Variants in ZNF804B observed in about 807,000 individuals in gnomAD.
The protein encoded by ZNF804B is zinc finger 804B.
A neutral mutation model predicts 101.4 loss-of-function variants in ZNF804B; 80 were observed. The observed-to-expected ratio is 0.79, with a 90% CI of 0.66 to 0.95. ZNF804B has a LOEUF of 0.95. Ranked by LOEUF, ZNF804B falls within the 40% of genes least tolerant of loss-of-function variation. The pLI, the probability that ZNF804B is intolerant of heterozygous loss-of-function variation, is 0.00. For synonymous variants in ZNF804B, 622 were observed against 558.8 expected (o/e 1.11, Z -1.59); for missense variants, 1,673 against 1,561.9 (o/e 1.07, Z -1.20).
chr7:88,868,949 G>A (rs1213363412), intron 1 of ZNF804B, among the ~76,000 whole-genome samples: 1 of 152,166 alleles, frequency 6.6e-6, no homozygotes, highest in Non-Finnish European at 1.5e-5. Context: ...TTTTAGTGGA[G>A]TGAGAAGAAT....
intron 1 of ZNF804B, among the ~76,000 whole-genome samples, chr7:89,168,582 A>G (rs1196133648): frequency 1.3e-5 from 2 of 152,056 alleles, no homozygotes; most frequent in African/African-American, 4.8e-5. Flanking sequence ...GTTAGTAAAA[A>G]GTAACCCCTT....
At chr7:89,168,130 C>T (rs1399203251) in intron 1 of ZNF804B, among the ~76,000 whole-genome samples, 1 of 151,998 alleles carries the variant, frequency 6.6e-6, no homozygotes, top group African/African-American at 2.4e-5. Flanking sequence ...TATCCCAGTA[C>T]TCTTTCTCAG....
chr7:88,808,896 A>C lies in ZNF804B; in HGVS notation c.108+48812A>C, dbSNP rs536641213. Among the ~76,000 whole-genome samples, 11 of 152,294 alleles carry C rather than the reference A, an allele frequency of 7.2e-5. No homozygotes were observed. The South Asian group carries it at 2.3e-3, about 32-fold the overall frequency. On this transcript the variant is annotated intron_variant, in intron 1 of 3. Coordinates refer to ENST00000333190, the MANE Select transcript of ZNF804B (RefSeq NM_181646.5). The stretch of plus-strand genomic sequence containing the variant: ...ATGCATAGGGCTCAAGGTGACCCTT[A>C]GTCACACTGACAAAATAGTCAGCAA...
chr7:89,299,498 C>T (rs1025381563), intron 2 of ZNF804B, among the ~76,000 whole-genome samples: 1 of 151,932 alleles, frequency 6.6e-6, no homozygotes, highest in South Asian at 2.1e-4. Flanking sequence ...CAGTTTTATT[C>T]ATATATGCCA....
chr7:88,809,323 CTATCTATCTATCTATCTATCTAT>C (rs1790742137), intron 1 of ZNF804B, among the ~76,000 whole-genome samples: 1 of 115,804 alleles, frequency 8.6e-6, no homozygotes, highest in South Asian at 2.8e-4. Flanking sequence ...ATCTATCTAT[CTATCTATCTATCTATCTATCTAT>C]CTATCTATCT....
intron 1 of ZNF804B, among the ~76,000 whole-genome samples, chr7:88,963,433 AC>A (rs1274332328): frequency 6.6e-6 from 1 of 151,334 alleles, no homozygotes; most frequent in Non-Finnish European, 1.5e-5. Context: ...AGTACTTTCA[AC>A]AGATGGTGCT....
At chr7:89,139,463 T>C (rs1790685124) in intron 1 of ZNF804B, among the ~76,000 whole-genome samples, 1 of 152,104 alleles carries the variant, frequency 6.6e-6, no homozygotes, top group Admixed American at 6.6e-5. Context: ...TGATAGCATT[T>C]CATCCACAGC....
intron 1 of ZNF804B, among the ~76,000 whole-genome samples, chr7:89,174,640 A>T (rs983970526): frequency 6.6e-6 from 1 of 152,000 alleles, no homozygotes; most frequent in Non-Finnish European, 1.5e-5. Flanking sequence ...ATCTTATGGT[A>T]GTTCTATTTT....
At position 88,970,324 on chromosome 7, in the gene ZNF804B, C is replaced by T. The variant is rs1045323016; in HGVS notation, c.108+210240C>T. Among the ~76,000 whole-genome samples the T allele has an allele frequency of 2.1e-5, 3 of 146,170 alleles. No homozygotes were observed. The East Asian group carries it at 6.0e-4, about 29-fold the overall frequency. On this transcript the variant is annotated intron_variant, in intron 1 of 3. Coordinates refer to ENST00000333190, the MANE Select transcript of ZNF804B (RefSeq NM_181646.5). ...CACCTAGGTATTAAAGCCCCACATGCATTAGCTATTTATTCTGATGCCCCC... is the reference window on the plus strand; with the variant it reads ...CACCTAGGTATTAAAGCCCCACATGTATTAGCTATTTATTCTGATGCCCCC...
At chr7:89,264,483 T>C (rs1029764636) in intron 2 of ZNF804B, among the ~76,000 whole-genome samples, 1 of 152,162 alleles carries the variant, frequency 6.6e-6, no homozygotes, top group Admixed American at 6.5e-5. Context: ...CTTATATCAA[T>C]TGCCCTCACT....
intron 1 of ZNF804B, among the ~76,000 whole-genome samples, chr7:88,812,669 T>G (rs569753544): frequency 6.6e-6 from 1 of 152,202 alleles, no homozygotes; most frequent in Admixed American, 6.5e-5. Context: ...TGTATATATA[T>G]GTACATGTGT....
At chr7:88,780,272 C>CA (rs1389184189) in intron 1 of ZNF804B, among the ~76,000 whole-genome samples, 1 of 149,838 alleles carries the variant, frequency 6.7e-6, no homozygotes, top group Non-Finnish European at 1.5e-5. Context: ...GGAGGTTCCT[C>CA]AAAAAACTAA....
At chr7:88,762,148 G>A (rs1319350971) in intron 1 of ZNF804B, among the ~76,000 whole-genome samples, 1 of 152,138 alleles carries the variant, frequency 6.6e-6, no homozygotes, top group East Asian at 1.9e-4. Flanking sequence ...TTACACATTT[G>A]GATGTACTTA....
chr7:89,224,714 G>GTGTA (rs1789056124), intron 2 of ZNF804B, among the ~76,000 whole-genome samples: 1 of 10,538 alleles, frequency 9.5e-5, no homozygotes, highest in Admixed American at 1.7e-3. Flanking sequence ...GGCAAAGTAT[G>GTGTA]TGTGTGTGTG....
intron 1 of ZNF804B, among the ~76,000 whole-genome samples, chr7:89,171,371 T>C (rs369824505): frequency 0.016 from 1,742 of 109,448 alleles, 13 homozygotes; most frequent in Middle Eastern, 0.041. Flanking sequence ...CCTCTTCCTC[T>C]TCTTCCTCTT....
chr7:88,963,571 C>A (rs1043564729), intron 1 of ZNF804B, among the ~76,000 whole-genome samples: 3 of 151,320 alleles, frequency 2.0e-5, no homozygotes, highest in African/African-American at 7.3e-5. Context: ...ACTATGAAAG[C>A]TGCAGAAGAA....
chr7:88,898,125 A>T, intron 1 of ZNF804B, among the ~76,000 whole-genome samples: 2 of 108,240 alleles, frequency 1.8e-5, no homozygotes, highest in East Asian at 3.3e-4. Flanking sequence ...CTCACTCTGT[A>T]GCCCAGGCTC....
At chr7:89,104,608 A>G (rs1177830045) in intron 1 of ZNF804B, among the ~76,000 whole-genome samples, 1 of 151,810 alleles carries the variant, frequency 6.6e-6, no homozygotes, top group African/African-American at 2.4e-5. Flanking sequence ...TTCTGTTGGG[A>G]CAAGTCCCAT....
intron 1 of ZNF804B, among the ~76,000 whole-genome samples, chr7:89,069,976 T>G (rs755181745): frequency 9.2e-5 from 14 of 152,188 alleles, no homozygotes; most frequent in Non-Finnish European, 1.5e-4. Context: ...TACCTTATTA[T>G]TAAGTGTATT....
Sources: allele counts gnomAD v4.1 joint callset (sites outside exome capture counted in the v4.1 genomes callset), GRCh38; gene constraint gnomAD v4.1.1; transcripts MANE v1.5; gene names NCBI Gene and HGNC (gene_info 2026-07-23, HGNC 2026-07-21).